Variants in ADAM19 observed in about 807,000 individuals in gnomAD.
The protein encoded by ADAM19 is disintegrin and metalloproteinase domain-containing protein 19.
A neutral mutation model predicts 114.7 loss-of-function variants in ADAM19; 65 were observed. The ratio of observed to expected loss-of-function variants is 0.57; its 90% CI spans 0.46 to 0.70. The LOEUF (loss-of-function observed/expected upper bound fraction) is 0.70. ADAM19 is among the 30% of genes least tolerant of loss of function. The probability of loss-of-function intolerance (pLI) is 0.00; values close to 1 mark genes in which losing one functional copy is unlikely to be tolerated. For missense variants in ADAM19, 1,063 were observed against 1,204.7 expected (o/e 0.88, Z 1.74); for synonymous variants, 466 against 460.5 (o/e 1.01, Z -0.15).
At chr5:157,557,018 C>A (rs1757385028) in intron 3 of ADAM19, among the ~76,000 whole-genome samples, 1 of 152,016 alleles carries the variant, frequency 6.6e-6, no homozygotes, top group Non-Finnish European at 1.5e-5. Flanking sequence ...GTAGCTGGGA[C>A]TACAGGCATG....
chr5:157,538,041 C>T, intron 3 of ADAM19, 50 bp from the exon 4 acceptor site: 4 of 1,447,860 alleles, frequency 2.8e-6, no homozygotes, highest in Non-Finnish European at 9.7e-7. Context: ...TGAACTCCAC[C>T]CTCCTAGCAA....
chr5:157,520,484 GA>G (rs1470762124), intron 5 of ADAM19, among the ~76,000 whole-genome samples: 1 of 152,210 alleles, frequency 6.6e-6, no homozygotes, highest in Non-Finnish European at 1.5e-5. Flanking sequence ...AGAGACTCAG[GA>G]AAAGCAGTAC....
intron 20 of ADAM19, 94 bp downstream of exon 20, chr5:157,489,008 C>T (rs1296160300): frequency 4.3e-5 from 42 of 969,442 alleles, no homozygotes; most frequent in East Asian, 3.6e-4. Context: ...CCAGCCTGGG[C>T]GACAGGGCAA....
intron 7 of ADAM19, among the ~76,000 whole-genome samples, chr5:157,516,659 G>A (rs944739283): frequency 6.6e-6 from 1 of 152,090 alleles, no homozygotes; most frequent in African/African-American, 2.4e-5. Context: ...GTAACCAAAG[G>A]ATTCTGTAGC....
Position 157,518,900 on chromosome 5 carries a change from A to G in ADAM19, c.601-12T>C, listed in dbSNP as rs768414610. On this transcript the variant is annotated splice_polypyrimidine_tract_variant and intron_variant, in intron 6 of 22. Coordinates refer to ENST00000257527, the MANE Select transcript of ADAM19 (RefSeq NM_033274.5). ...TCTTCCCTTTTCATCTAAGAAAGAG[A>G]AACAGATCAGCGCTGTAGAAATAGT... is the stretch of plus-strand genomic sequence containing the variant. 6 of 1,612,268 alleles carry G rather than the reference A, an allele frequency of 3.7e-6. No individual in the cohort carries two copies. The African/African-American group carries it at 6.7e-5, about 18-fold the overall frequency.
At chr5:157,567,816 AAAAG>A (rs761589503) in intron 2 of ADAM19, among the ~76,000 whole-genome samples, 17 of 151,924 alleles carry the variant, frequency 1.1e-4, no homozygotes, top group Non-Finnish European at 2.1e-4. Flanking sequence ...AAAAAAATAA[AAAAG>A]AAAGAAAGAA....
chr5:157,556,198 T>A (rs893797195), intron 3 of ADAM19, among the ~76,000 whole-genome samples: 2 of 133,692 alleles, frequency 1.5e-5, no homozygotes, highest in Non-Finnish European at 3.1e-5. Flanking sequence ...AACCTGTTTT[T>A]TTTTCTTTTT....
intron 3 of ADAM19, among the ~76,000 whole-genome samples, chr5:157,551,405 C>T (rs1388473650): frequency 1.2e-5 from 1 of 84,196 alleles, no homozygotes; most frequent in Non-Finnish European, 2.3e-5. Flanking sequence ...TTCTGTCCCC[C>T]CAACCCCAAA....
intron 3 of ADAM19, among the ~76,000 whole-genome samples, chr5:157,551,171 G>A (rs1188798526): frequency 6.6e-6 from 1 of 151,906 alleles, no homozygotes; most frequent in African/African-American, 2.4e-5. Context: ...TTGGGAAGCC[G>A]AGGCAGGCGA....
intron 3 of ADAM19, among the ~76,000 whole-genome samples, chr5:157,550,850 A>G (rs1222715355): frequency 4.6e-5 from 7 of 152,214 alleles, no homozygotes; most frequent in Admixed American, 3.9e-4. Flanking sequence ...TCCACGTTAC[A>G]TGTAAATTCG....
At chr5:157,511,479 G>A (rs1755919272) in intron 8 of ADAM19, among the ~76,000 whole-genome samples, 1 of 152,070 alleles carries the variant, frequency 6.6e-6, no homozygotes, top group Admixed American at 6.6e-5. Flanking sequence ...TAATCCACTC[G>A]CTCCAAGAAA....
intron 1 of ADAM19, among the ~76,000 whole-genome samples, chr5:157,574,890 G>A (rs967459142): frequency 1.3e-5 from 2 of 152,236 alleles, no homozygotes; most frequent in Admixed American, 1.3e-4. Context: ...GGGTTGGCGT[G>A]GAAAGAGAGC....
intron 3 of ADAM19, among the ~76,000 whole-genome samples, chr5:157,550,684 T>TG (rs1198669635): frequency 8.4e-6 from 1 of 118,548 alleles, no homozygotes. Flanking sequence ...TAAAGCTGTT[T>TG]GGAAAAAAAA....
At chr5:157,533,663 G>A (rs191428638) in intron 4 of ADAM19, among the ~76,000 whole-genome samples, 2 of 152,112 alleles carry the variant, frequency 1.3e-5, no homozygotes, top group African/African-American at 2.4e-5. Context: ...GTTTCAAAAC[G>A]CTGGTTAACA....
chr5:157,570,276 AAAAAAC>A (rs1757785630), intron 2 of ADAM19, among the ~76,000 whole-genome samples: 2 of 150,314 alleles, frequency 1.3e-5, no homozygotes, highest in East Asian at 2.0e-4. Flanking sequence ...CAAACAAACA[AAAAAAC>A]AAAAACAAAA....
chr5:157,527,210 T>TTTTG (rs912617320), intron 5 of ADAM19, among the ~76,000 whole-genome samples: 1 of 151,878 alleles, frequency 6.6e-6, no homozygotes, highest in Non-Finnish European at 1.5e-5. Flanking sequence ...TGACACTTTT[T>TTTTG]TTTGTTTGTT....
chr5:157,516,056 G>A (rs1259320169), intron 7 of ADAM19, among the ~76,000 whole-genome samples: 1 of 152,106 alleles, frequency 6.6e-6, no homozygotes, highest in East Asian at 1.9e-4. Flanking sequence ...TATAAATCAT[G>A]GTAAAGCAGC....
At chr5:157,501,746 A>T (rs773618320) in intron 12 of ADAM19, among the ~76,000 whole-genome samples, 10 of 152,018 alleles carry the variant, frequency 6.6e-5, no homozygotes, top group Non-Finnish European at 1.5e-4. Flanking sequence ...AAAAAAGAAA[A>T]ATCACATCAC....
intron 4 of ADAM19, among the ~76,000 whole-genome samples, chr5:157,532,537 C>G (rs190107356): frequency 6.6e-6 from 1 of 152,252 alleles, no homozygotes; most frequent in Admixed American, 6.5e-5. Context: ...GGCTTCCTCC[C>G]AAATAAGTCA....
Sources: allele counts gnomAD v4.1 joint callset (sites outside exome capture counted in the v4.1 genomes callset), GRCh38; gene constraint gnomAD v4.1.1; transcripts MANE v1.5; gene names NCBI Gene and HGNC (gene_info 2026-07-23, HGNC 2026-07-21).